SLC1A2: variants seen among roughly 807,000 people sequenced by gnomAD.
SLC1A2 encodes excitatory amino acid transporter 2.
Under a neutral mutation model 48.8 loss-of-function variants are expected in SLC1A2, and 15 were observed. That is an observed-to-expected ratio of 0.31 (90% CI 0.21 to 0.47). SLC1A2 has a LOEUF of 0.47. Ranked by LOEUF, SLC1A2 falls within the 20% of genes least tolerant of loss-of-function variation. The pLI, the probability that SLC1A2 is intolerant of heterozygous loss-of-function variation, is 0.99. For missense variants in SLC1A2, 502 were observed against 730.5 expected (o/e 0.69, Z 3.61); for synonymous variants, 279 against 272.6 (o/e 1.02, Z -0.23).
intron 1 of SLC1A2, among the ~76,000 whole-genome samples, chr11:35,323,610 T>G (rs1402479596): frequency 6.6e-6 from 1 of 152,156 alleles, no homozygotes; most frequent in Non-Finnish European, 1.5e-5. Flanking sequence ...GTGGATTCCA[T>G]TCTAGGTACC....
In SLC1A2 at chr11:35,292,456, C is replaced by A. The variant is rs755832927; in HGVS notation, c.922G>T (p.Val308Leu). The change falls in exon 7 of 11, where the codon GTG becomes TTG. Residue 308 changes from valine (V) to leucine (L), a missense_variant. Transcript: ENST00000278379. The stretch of plus-strand genomic sequence containing the variant: ...TACATCCCCAGTTGCCTAGCAACCA[C>A]TTCTAAGTCCTTGATTGCAATGATC... ...GKIIAIKDLE[V>L]VARQLGMYMV... 1.9e-6 allele frequency: 3 copies of A among 1,613,978 alleles called. No individual in the cohort carries two copies. Among genetic ancestry groups the A allele is most frequent in the South Asian group, 2.2e-5 (2 of 91,082 alleles).
chr11:35,420,031 TC>T, upstream of SLC1A2: 2 of 410,498 alleles, frequency 4.9e-6, no homozygotes, highest in Non-Finnish European at 1.0e-5. Context: ...CTGCGCTCCC[TC>T]CCCCGCCGAA....
At chr11:35,373,104 G>C (rs1854110913) in intron 1 of SLC1A2, among the ~76,000 whole-genome samples, 1 of 152,312 alleles carries the variant, frequency 6.6e-6, no homozygotes, top group South Asian at 2.1e-4. Flanking sequence ...CGACACACCA[G>C]AGCAGGGCAT....
chr11:35,260,435 G>A lies in SLC1A2; in HGVS notation c.*459C>T, dbSNP rs1203470556. ...CATTTTAAGGGGAGTTACTTCTAGA[G>A]GCTTTTAATAGAATCTCTTGTGCAT... On this transcript the variant is annotated 3_prime_UTR_variant, in exon 11 of 11. Coordinates refer to ENST00000278379, the MANE Select transcript of SLC1A2 (RefSeq NM_004171.4). 6.4e-6 allele frequency: 1 copy of A among 157,340 alleles called. No homozygotes were observed. Among genetic ancestry groups the A allele is most frequent in the Non-Finnish European group, 1.4e-5 (1 of 71,036 alleles). 9.7% of individuals were successfully genotyped at this position (157,340 alleles called of 1,614,324 possible). A position where few individuals can be genotyped will look rare whatever the true frequency, so the allele number is the denominator to read the frequency against.
intron 1 of SLC1A2, among the ~76,000 whole-genome samples, chr11:35,383,842 G>A (rs1565292525): frequency 6.6e-6 from 1 of 152,192 alleles, no homozygotes; most frequent in Non-Finnish European, 1.5e-5. Context: ...GGGCAGTGCT[G>A]ATATTTTGAG....
intron 5 of SLC1A2, among the ~76,000 whole-genome samples, chr11:35,304,915 T>G (rs1305518766): frequency 1.3e-5 from 2 of 152,234 alleles, no homozygotes; most frequent in Non-Finnish European, 2.9e-5. Context: ...ATTCTGTATT[T>G]TATCTGACAA....
At chr11:35,317,054 G>T (rs760550687) in intron 2 of SLC1A2, 4 of 263,996 alleles carry the variant, frequency 1.5e-5, no homozygotes, top group Non-Finnish European at 2.9e-5. Context: ...GAACCACCTA[G>T]GTTTGCTAAT....
chr11:35,334,155 A>G (rs1852531689), intron 1 of SLC1A2, among the ~76,000 whole-genome samples: 1 of 152,180 alleles, frequency 6.6e-6, no homozygotes, highest in Non-Finnish European at 1.5e-5. Context: ...CACAGTCCCC[A>G]CCATCCCTTA....
At chr11:35,358,887 C>T (rs1010443000) in intron 1 of SLC1A2, among the ~76,000 whole-genome samples, 2 of 152,142 alleles carry the variant, frequency 1.3e-5, no homozygotes. Flanking sequence ...CACACCCACA[C>T]TCTACGTTGC....
chr11:35,295,778 C>A (rs6484777), intron 6 of SLC1A2, among the ~76,000 whole-genome samples: 11,675 of 152,266 alleles, frequency 0.077, 1,458 homozygotes, highest in African/African-American at 0.26. Flanking sequence ...CTTTGTCTTT[C>A]AGCCCTTGCC....
At chr11:35,275,896 C>A (rs1591414832) in intron 9 of SLC1A2, among the ~76,000 whole-genome samples, 1 of 152,138 alleles carries the variant, frequency 6.6e-6, no homozygotes, top group East Asian at 1.9e-4. Flanking sequence ...AATGAGCACC[C>A]AATAGTCACA....
At position 35,257,692 on chromosome 11, in the gene SLC1A2, G is replaced by A. The variant is rs1027268973; in HGVS notation, c.*3202C>T. The A allele has an allele frequency of 6.6e-6, 1 of 152,158 alleles. No homozygotes were observed. Among genetic ancestry groups the A allele is most frequent in the Non-Finnish European group, 1.5e-5 (1 of 68,038 alleles). 9.4% of individuals were successfully genotyped at this position (152,158 alleles called of 1,614,324 possible). A position where few individuals can be genotyped will look rare whatever the true frequency, so the allele number is the denominator to read the frequency against. ...AAGTAATTAAGTGATGATTCCACTT[G>A]GGTTTCTCAAAGGGCAAGAATGAGA... On this transcript the variant is annotated 3_prime_UTR_variant, in exon 11 of 11. Coordinates refer to ENST00000278379, the MANE Select transcript of SLC1A2 (RefSeq NM_004171.4).
rs1487373033 is a variant in SLC1A2 at position 35,341,628 on chromosome 11, T to C, written c.18-24112A>G. On this transcript the variant is annotated intron_variant, in intron 1 of 10. Coordinates refer to ENST00000278379, the MANE Select transcript of SLC1A2 (RefSeq NM_004171.4). ...AATTGACAAAACATCTTTAAAAAGT[T>C]GACAACATCTGTGATTGCCAAGGAC... 2.0e-5 allele frequency among the ~76,000 whole-genome samples: 3 copies of C among 152,208 alleles called. No individual in the cohort carries two copies. The East Asian group carries it at 5.8e-4, about 29-fold the overall frequency.
rs528484574 is a variant in SLC1A2 at position 35,418,140 on chromosome 11, A to C, written c.17+810T>G. 2.0e-5 allele frequency among the ~76,000 whole-genome samples: 3 copies of C among 152,302 alleles called. No homozygotes were observed. The South Asian group carries it at 6.2e-4, about 32-fold the overall frequency. The stretch of plus-strand genomic sequence containing the variant: ...CTGTGGACCTTTCCTTTGATGTGTG[A>C]GTATTCAAAGAATCCTTTTGCCCCC... On this transcript the variant is annotated intron_variant, in intron 1 of 10. Coordinates refer to ENST00000278379, the MANE Select transcript of SLC1A2 (RefSeq NM_004171.4).
intron 1 of SLC1A2, among the ~76,000 whole-genome samples, chr11:35,402,615 T>C (rs1855168588): frequency 6.6e-6 from 1 of 152,122 alleles, no homozygotes; most frequent in Non-Finnish European, 1.5e-5. Context: ...CCCCTGAAAT[T>C]AGAAATTACA....
At chr11:35,262,236 C>T (rs1314535389) in intron 10 of SLC1A2, among the ~76,000 whole-genome samples, 1 of 152,220 alleles carries the variant, frequency 6.6e-6, no homozygotes, top group Non-Finnish European at 1.5e-5. Context: ...ATTTGGCTCT[C>T]AGCGATGAAC....
chr11:35,358,307 A>G (rs1853555768), intron 1 of SLC1A2, among the ~76,000 whole-genome samples: 1 of 152,212 alleles, frequency 6.6e-6, no homozygotes, highest in Admixed American at 6.5e-5. Flanking sequence ...CCTTATGCAT[A>G]CATTTATATG....
rs565586347 is a variant in SLC1A2, at chr11:35,279,060, C to T, written c.1421+1807G>A. ...TGGTTTCTGGCTCTTAAAATCAATGCCAATAAATGTCAGAAAATTTGCTAC... is the reference window on the plus strand; with the variant it reads ...TGGTTTCTGGCTCTTAAAATCAATGTCAATAAATGTCAGAAAATTTGCTAC... On this transcript the variant is annotated intron_variant, in intron 9 of 10. Transcript: ENST00000278379. Among the ~76,000 whole-genome samples, 5 of 152,274 alleles carry T rather than the reference C, an allele frequency of 3.3e-5. No individual in the cohort carries two copies. The South Asian group carries it at 1.0e-3, about 32-fold the overall frequency.
intron 7 of SLC1A2, among the ~76,000 whole-genome samples, chr11:35,289,446 T>G (rs1468466626): frequency 6.6e-6 from 1 of 152,000 alleles, no homozygotes; most frequent in Admixed American, 6.6e-5. Context: ...AAAACCACTT[T>G]TTTTTTTTCA....
Sources: allele counts gnomAD v4.1 joint callset (sites outside exome capture counted in the v4.1 genomes callset), GRCh38; gene constraint gnomAD v4.1.1; transcripts MANE v1.5; gene names NCBI Gene and HGNC (gene_info 2026-07-23, HGNC 2026-07-21).